Variants in WDR87 observed in about 807,000 individuals in gnomAD.
The protein encoded by WDR87 is WD repeat domain 87, also known as WD repeat-containing protein 87.
In WDR87, 56 loss-of-function variants were observed where a neutral mutation model predicts 83.3. That is an observed-to-expected ratio of 0.67 (90% confidence interval 0.54 to 0.84). The LOEUF is 0.84. Ranked by LOEUF, WDR87 falls within the 40% of genes least tolerant of loss-of-function variation. WDR87 has a pLI of 0.00. For missense variants in WDR87, 2,939 were observed against 3,431.9 expected (o/e 0.86, Z 3.59); for synonymous variants, 1,173 against 1,250.6 (o/e 0.94, Z 1.31).
intron 1 of WDR87, among the ~76,000 whole-genome samples, chr19:37,901,721 T>G (rs1193868932): frequency 1.4e-5 from 2 of 143,784 alleles, no homozygotes; most frequent in African/African-American, 5.0e-5. Context: ...TTTTATGTGG[T>G]TTTTTTTTTT....
chr19:37,898,208 T>G lies in WDR87; in HGVS notation c.32A>C (p.Lys11Thr). The G allele has an allele frequency of 5.8e-6, 9 of 1,551,718 alleles. 1 individual carries two copies. The South Asian group carries it at 9.5e-5, about 16-fold the overall frequency. MSSPRLIPLWKDLKLLLNDTI... is the reference protein window; with the variant it reads MSSPRLIPLWTDLKLLLNDTI... The stretch of plus-strand genomic sequence containing the variant: ...GTCATTTAGGAGGAGTTTTAAATCT[T>G]TCCACAGGGGAATGAGCCTGGGGGA... The change falls in exon 2 of 6, where the codon AAA becomes ACA. Residue 11 changes from lysine to threonine, a missense_variant. Physicochemically the swap from Lys to Thr is moderately conservative, Grantham distance 78. Around this residue, in one of 3 missense-constraint regions of WDR87, gnomAD observed 226 missense variants for 320.9 expected, o/e 0.70. Coordinates refer to ENST00000447313, the MANE Select transcript of WDR87 (RefSeq NM_001291088.2).
In WDR87 at chr19:37,886,750, TTCCTCC is replaced by T; in HGVS notation, c.6915_6920del (p.Glu2306_Glu2307del). On this transcript the variant is annotated inframe_deletion, in exon 6 of 6. Transcript: ENST00000447313. The stretch of plus-strand genomic sequence containing the variant: ...CCTCCCCTTCCTCCTCCTCCTTCCT[TTCCTCC>T]TCCTCCTCCCTTTCCTCCTCCTCCT... 2 of 1,316,918 alleles carry T rather than the reference TTCCTCC, an allele frequency of 1.5e-6. No homozygotes were observed. The highest frequency in any genetic ancestry group is 1.0e-6 in the Non-Finnish European group (1 of 966,310). The allele number at this position is 1,316,918 out of a possible 1,614,324, so 81.6% of individuals were successfully genotyped here. A position where few individuals can be genotyped will look rare whatever the true frequency, so the allele number is the denominator to read the frequency against.
Position 37,888,982 on chromosome 19 carries a change from G to T in WDR87, c.4689C>A (p.Val1563=), listed in dbSNP as rs898972833. 3.9e-6 allele frequency: 6 copies of T among 1,551,824 alleles called. No individual in the cohort carries two copies. The Admixed American group carries it at 9.8e-5, about 25-fold the overall frequency. The change falls in exon 6 of 6, where the codon GTC becomes GTA. Residue 1563 remains valine (V), a synonymous_variant. Transcript: ENST00000447313. ...KKLKWEEWKQ[V]WENMLSSKSK... is the part of the protein sequence containing the mutation. ...ACTTAGATGATAACATATTTTCCCA[G>T]ACTTGTTTCCACTCCTCCCATTTCA...
chr19:37,890,249 T>C lies in WDR87; in HGVS notation c.3422A>G (p.Lys1141Arg). Residue 1141 changes from lysine (K) to arginine (R), a missense_variant, in exon 6 of 6, where the codon AAG becomes AGG. Lys to Arg is a conservative substitution (Grantham distance 26, BLOSUM62 2). Around this residue, in one of 3 missense-constraint regions of WDR87, gnomAD observed 2,160 missense variants for 2,533.1 expected, o/e 0.85. Transcript: ENST00000447313. ...CTGTTTAGAGTCTCTCTCTTTCGTC[T>C]TCTTGAGACCCCGCAACCATTTTTG... The part of the protein sequence containing the change: ...HSQKWLRGLK[K>R]TKERDSKQMS... 1 of 1,535,118 alleles carries C rather than the reference T, an allele frequency of 6.5e-7. No homozygotes were observed. Among genetic ancestry groups the C allele is most frequent in the Non-Finnish European group, 8.8e-7 (1 of 1,136,938 alleles).
upstream of WDR87, chr19:37,906,682 A>G (rs1042024529): frequency 3.3e-5 from 5 of 149,490 alleles, no homozygotes; most frequent in Non-Finnish European, 5.9e-5. Flanking sequence ...GCGCGTGCGC[A>G]TGGGCGCGCG....
rs150036213 is a variant in WDR87, at chr19:37,887,709, G to A, written c.5962C>T (p.Arg1988Trp). ...LEKAMVQGKK[R>W]LRGELDIAKE... ...GCAATATCCAACTCTCCTCTGAGCCGTTTCTTTCCTTGGACCATTGCCTTC... is the reference window on the plus strand; with the variant it reads ...GCAATATCCAACTCTCCTCTGAGCCATTTCTTTCCTTGGACCATTGCCTTC... The change falls in exon 6 of 6, where the codon CGG (arginine) becomes TGG (tryptophan). Residue 1988 changes from arginine (R) to tryptophan (W), a missense_variant. Physicochemically the swap from Arg to Trp is moderately radical, Grantham distance 101. This residue lies in a region of WDR87 where 2,160 missense variants were observed against 2,533.1 expected (regional missense o/e 0.85). Coordinates refer to ENST00000447313, the MANE Select transcript of WDR87 (RefSeq NM_001291088.2). 1.1e-4 allele frequency: 165 copies of A among 1,552,042 alleles called. 1 individual carries two copies. The East Asian group carries it at 1.9e-3, about 18-fold the overall frequency.
intron 5 of WDR87, 33 bp downstream of exon 5, chr19:37,891,519 C>G (rs369095976): frequency 1.3e-6 from 2 of 1,547,006 alleles, no homozygotes; most frequent in South Asian, 1.2e-5. Context: ...TCTTGGGGAC[C>G]CTGAGGCACA....
In WDR87 at chr19:37,899,151, G is replaced by A. The variant is rs561405461; in HGVS notation, c.-46-866C>T. Among the ~76,000 whole-genome samples the A allele has an allele frequency of 1.3e-4, 20 of 152,222 alleles. No individual in the cohort carries two copies. In the South Asian group the frequency reaches 4.1e-3, roughly 32 times the overall value. On this transcript the variant is annotated intron_variant, in intron 1 of 5. Transcript: ENST00000447313. ...GATAGGGTTTTGGCTGGGCACCGTG[G>A]CTCACGCCTGCAATCCCAGCCCTTT...
At position 37,887,392 on chromosome 19, in the gene WDR87, C is replaced by T; in HGVS notation, c.6279G>A (p.Lys2093=). 1 of 1,551,640 alleles carries T rather than the reference C, an allele frequency of 6.4e-7. No individual in the cohort carries two copies. The highest frequency in any genetic ancestry group is 8.7e-7 in the Non-Finnish European group (1 of 1,146,972). ...TTTTTTTAATCAACTTCCTTGAAGCCTTGGCTAACTTTCTTTGCCCCTGGA... is the reference window on the plus strand; with the variant it reads ...TTTTTTTAATCAACTTCCTTGAAGCTTTGGCTAACTTTCTTTGCCCCTGGA... ...IFVQGQRKLA[K]ASRKLIKKRE... The change falls in exon 6 of 6, where the codon AAG becomes AAA. Residue 2093 remains lysine, a synonymous_variant. Transcript: ENST00000447313.
In WDR87 at chr19:37,887,435, C is replaced by G; in HGVS notation, c.6236G>C (p.Arg2079Thr). ...EIAKGKLEFT[R>T]GQRIFVQGQR... ...CCCCTGGACAAATATTCTCTGTCCTCTAGTAAATTCCAGTTTTCCTTTGGC... is the reference window on the plus strand; with the variant it reads ...CCCCTGGACAAATATTCTCTGTCCTGTAGTAAATTCCAGTTTTCCTTTGGC... The change falls in exon 6 of 6, where the codon AGA becomes ACA. Residue 2079 changes from arginine (R) to threonine (T), a missense_variant. Physicochemically the swap from Arg to Thr is moderately conservative, Grantham distance 71. Around this residue, in one of 3 missense-constraint regions of WDR87, gnomAD observed 2,160 missense variants for 2,533.1 expected, o/e 0.85. Coordinates refer to ENST00000447313, the MANE Select transcript of WDR87 (RefSeq NM_001291088.2). The G allele has an allele frequency of 6.4e-7, 1 of 1,551,632 alleles. No homozygotes were observed. The highest frequency in any genetic ancestry group is 8.7e-7 in the Non-Finnish European group (1 of 1,146,948).
At chr19:37,897,840 A>G (rs112281030) in intron 2 of WDR87, among the ~76,000 whole-genome samples, 1,529 of 152,278 alleles carry the variant, frequency 0.01, 10 homozygotes, top group South Asian at 0.03. Context: ...GTGGGCCGAG[A>G]TCATGCCACT....
At position 37,886,454 on chromosome 19, in the gene WDR87, AG is replaced by A; in HGVS notation, c.7216del (p.Leu2406PhefsTer4). 3 of 1,527,880 alleles carry A rather than the reference AG, an allele frequency of 2.0e-6. No homozygotes were observed. The highest frequency in any genetic ancestry group is 2.6e-6 in the Non-Finnish European group (3 of 1,140,850). The allele number at this position is 1,527,880 out of a possible 1,614,324, so 94.6% of individuals were successfully genotyped here. A position where few individuals can be genotyped will look rare whatever the true frequency, so the allele number is the denominator to read the frequency against. On this transcript the variant is annotated frameshift_variant, in exon 6 of 6. Transcript: ENST00000447313. LOFTEE classifies it low-confidence loss of function (END_TRUNC). ...ATGAGGAACTCCTCTTAAAATGGAAAGGACTCTTTCCCTTCCTCTTAGGCTC... is the reference window on the plus strand; with the variant it reads ...ATGAGGAACTCCTCTTAAAATGGAAAGACTCTTTCCCTTCCTCTTAGGCTC... ...RKSLRGRERV[L>X]SILRGVPHGK...
At chr19:37,898,379 C>A in intron 1 of WDR87, 94 bp from the exon 2 acceptor site, 1 of 1,421,962 alleles carries the variant, frequency 7.0e-7, no homozygotes, top group Non-Finnish European at 9.3e-7. Context: ...GTTTATTGAA[C>A]ACCTTCTGAA....
chr19:37,886,652 T>A lies in WDR87; in HGVS notation c.7019A>T (p.Glu2340Val). ...KKEKKKEEVQ[E>V]KEEVFEEKEE... ...TTTCTCCTCAAACACTTCTTCCTTC[T>A]CCTGAACCTCCTCCTTCTTCTTTTC... The change falls in exon 6 of 6, where the codon GAG (glutamate) becomes GTG (valine). Residue 2340 changes from glutamate (E) to valine (V), a missense_variant. This residue lies in a region of WDR87 where 2,160 missense variants were observed against 2,533.1 expected (regional missense o/e 0.85). Coordinates refer to ENST00000447313, the MANE Select transcript of WDR87 (RefSeq NM_001291088.2). The A allele has an allele frequency of 6.6e-7, 1 of 1,506,854 alleles. No individual in the cohort carries two copies. Among genetic ancestry groups the A allele is most frequent in the Non-Finnish European group, 9.0e-7 (1 of 1,111,962 alleles). 93.3% of individuals were successfully genotyped at this position (1,506,854 alleles called of 1,614,324 possible).
In WDR87 at chr19:37,889,216, T is replaced by C; in HGVS notation, c.4455A>G (p.Gly1485=). The change falls in exon 6 of 6, where the codon GGA becomes GGG. Residue 1485 remains glycine (G), a synonymous_variant. Coordinates refer to ENST00000447313, the MANE Select transcript of WDR87 (RefSeq NM_001291088.2). ...GTGTCCTCTCAATCATAACCAGTTT[T>C]CCTTCTTGTTTGACCACTTTCTCCT... ...TLEEKVVKQE[G]KLVMIERTPS... 1 of 1,552,170 alleles carries C rather than the reference T, an allele frequency of 6.4e-7. No individual in the cohort carries two copies. Among genetic ancestry groups the C allele is most frequent in the Non-Finnish European group, 8.7e-7 (1 of 1,147,108 alleles).
At chr19:37,895,538 C>T (rs551928208) in intron 3 of WDR87, 82 bp from the exon 4 acceptor site, 35 of 1,314,608 alleles carry the variant, frequency 2.7e-5, no homozygotes, top group East Asian at 1.5e-4. Flanking sequence ...GAGGCCGAGG[C>T]GGGTGGATCA....
In WDR87 at chr19:37,885,290, T is replaced by C; in HGVS notation, c.8381A>G (p.Tyr2794Cys). The C allele has an allele frequency of 6.5e-7, 1 of 1,547,432 alleles. No homozygotes were observed. Among genetic ancestry groups the C allele is most frequent in the Non-Finnish European group, 8.7e-7 (1 of 1,145,026 alleles). ...AAGTTGGTACAGGTCCATGAGCTGG[T>C]AGAACTGTTCCATCCAAGCAGTGCT... ...KDSTAWMEQF[Y>C]QLMDLYQLKS... Residue 2794 changes from tyrosine to cysteine, a missense_variant, in exon 6 of 6, where the codon TAC becomes TGC. Physicochemically the swap from Tyr to Cys is radical, Grantham distance 194. Transcript: ENST00000447313.
chr19:37,899,088 G>A (rs953882703), intron 1 of WDR87, among the ~76,000 whole-genome samples: 12 of 150,334 alleles, frequency 8.0e-5, no homozygotes, highest in African/African-American at 2.7e-4. Flanking sequence ...TTGTTGTTGT[G>A]TTGTTTTGTT....
rs762055283 is a variant in WDR87 at position 37,889,767 on chromosome 19, C to A, written c.3904G>T (p.Glu1302Ter). The A allele has an allele frequency of 1.0e-4, 156 of 1,551,612 alleles. 1 individual carries two copies. The highest frequency in any genetic ancestry group is 2.0e-5 in the Admixed American group (1 of 50,990). The change falls in exon 6 of 6, where the codon GAA becomes TAA. Residue 1302 changes from glutamate to a stop codon, truncating the protein, a stop_gained. Transcript: ENST00000447313. LOFTEE classifies it low-confidence loss of function (END_TRUNC). ...RISGSQTKMS[E>*]NLNAELVTFA... ...GTCACTAGCTCAGCGTTTAGGTTTT[C>A]TGACATTTTTGTTTGGGAACCAGAT...
Sources: gnomAD v4.1 joint callset for allele counts (sites outside exome capture counted in the v4.1 genomes callset) on GRCh38, gnomAD v4.1.1 for gene constraint, gnomAD v4.1.1 regional missense constraint, MANE v1.5 for transcripts, NCBI Gene and HGNC (gene_info 2026-07-23, HGNC 2026-07-21) for gene names.